Variants in RP1 observed in about 807,000 individuals in gnomAD.
RP1 encodes the protein oxygen-regulated protein 1.
A neutral mutation model predicts 14.8 loss-of-function variants in RP1; 16 were observed. The ratio of observed to expected loss-of-function variants is 1.08; its 90% CI spans 0.73 to 1.65. RP1 has a LOEUF of 1.65. Among genes scored for constraint, RP1 ranks in the 40% most tolerant of loss-of-function variants. RP1 has a pLI of 0.00. For synonymous variants in RP1, 876 were observed against 883.6 expected (o/e 0.99, Z 0.15); for missense variants, 2,631 against 2,535.0 (o/e 1.04, Z -0.81).
At chr8:54,574,989 A>C (rs1804611057) in intron 1 of RP1, among the ~76,000 whole-genome samples, 1 of 152,202 alleles carries the variant, frequency 6.6e-6, no homozygotes, top group Non-Finnish European at 1.5e-5. Flanking sequence ...TTTTATATTG[A>C]AACTTCCACT....
chr8:54,728,761 G>C (rs900488446), intron 17 of RP1, among the ~76,000 whole-genome samples: 6 of 152,212 alleles, frequency 3.9e-5, no homozygotes, highest in South Asian at 4.2e-4. Context: ...AATTTTGTTA[G>C]GGTGGTGGGG....
chr8:54,697,280 C>A (rs890361657), intron 12 of RP1, among the ~76,000 whole-genome samples: 15 of 152,134 alleles, frequency 9.9e-5, no homozygotes, highest in African/African-American at 3.1e-4. Flanking sequence ...CCTGGCCGGG[C>A]GTGATGGCTC....
chr8:54,773,316 T>C (rs773375937), downstream of RP1, among the ~76,000 whole-genome samples: 36 of 152,264 alleles, frequency 2.4e-4, 1 homozygote, highest in Non-Finnish European at 4.3e-4. Context: ...CGGTATCTCA[T>C]TGCATTTTAG....
chr8:54,858,628 G>A (rs997251849), intron 27 of RP1, among the ~76,000 whole-genome samples: 2 of 152,008 alleles, frequency 1.3e-5, no homozygotes, highest in African/African-American at 4.8e-5. Flanking sequence ...GTAGAGTGGT[G>A]TCACTGTAGA....
intron 24 of RP1, among the ~76,000 whole-genome samples, chr8:54,828,970 T>C (rs10097781): frequency 0.31 from 45,229 of 146,590 alleles, 7,168 homozygotes; most frequent in South Asian, 0.38. Flanking sequence ...CGGCTCACTG[T>C]AACCTCTGCC....
In RP1 at chr8:54,621,146, T is replaced by G; in HGVS notation, c.180T>G (p.Phe60Leu). Residue 60 changes from phenylalanine (F) to leucine (L), a missense_variant, in exon 2 of 4, where the codon TTT becomes TTG. By Grantham distance (22) the Phe-to-Leu change is conservative (BLOSUM62 0). Transcript: ENST00000220676. Reference protein sequence around the residue: ...GVRVVVNPRSFKSFDALLDNL... With the variant: ...GVRVVVNPRSLKSFDALLDNL... ...GGGTGGTGGTCAACCCTCGCTCCTT[T>G]AAGTCCTTTGATGCTCTGCTGGATA... 2 of 1,614,140 alleles carry G rather than the reference T, an allele frequency of 1.2e-6. No individual in the cohort carries two copies. The highest frequency in any genetic ancestry group is 4.5e-5 in the East Asian group (2 of 44,872).
exon 29 of RP1, chr8:54,870,022 T>G: frequency 1.5e-6 from 1 of 678,250 alleles, no homozygotes; most frequent in Non-Finnish European, 2.1e-6. Flanking sequence ...TGTCTTTTGC[T>G]TGGGCTGGAG....
chr8:54,783,110 T>C (rs1196993616), intron 23 of RP1, among the ~76,000 whole-genome samples: 1 of 152,184 alleles, frequency 6.6e-6, no homozygotes, highest in Non-Finnish European at 1.5e-5. Context: ...CACTATCTGC[T>C]AGGATCACCA....
intron 28 of RP1, among the ~76,000 whole-genome samples, chr8:54,866,119 T>C (rs562130911): frequency 6.6e-6 from 1 of 152,208 alleles, no homozygotes; most frequent in African/African-American, 2.4e-5. Context: ...CTAACATTTT[T>C]CTCTTCTGAA....
intron 3 of RP1, among the ~76,000 whole-genome samples, chr8:54,644,653 T>C (rs1222071336): frequency 6.6e-6 from 1 of 152,208 alleles, no homozygotes; most frequent in Non-Finnish European, 1.5e-5. Context: ...AAGCTTTAGG[T>C]ATTTGTTACA....
chr8:54,696,362 A>G (rs1807862265), intron 12 of RP1: 1 of 561,594 alleles, frequency 1.8e-6, no homozygotes, highest in Admixed American at 3.3e-5. Flanking sequence ...GGATTGGTTC[A>G]TTTTAGAAAA....
intron 24 of RP1, among the ~76,000 whole-genome samples, chr8:54,801,436 CT>C (rs879725629): frequency 5.9e-5 from 9 of 152,052 alleles, no homozygotes; most frequent in Admixed American, 3.9e-4. Context: ...GAATCACAGA[CT>C]TTTTTTTCAT....
Position 54,820,690 on chromosome 8 carries a change from C to T in RP1, c.3616-16760C>T, listed in dbSNP as rs545323714. On this transcript the variant is annotated intron_variant, in intron 24 of 28. Transcript: ENST00000637698. ...GGCAGTGCAAGATTGTCTTTTCGGC[C>T]ATCTTCAGTGTCCCTTTCCCTGATA... is the stretch of plus-strand genomic sequence containing the variant. 3.3e-5 allele frequency among the ~76,000 whole-genome samples: 5 copies of T among 152,282 alleles called. No homozygotes were observed. In the East Asian group the frequency reaches 9.6e-4, roughly 29 times the overall value.
At chr8:54,732,978 G>A (rs947317135) in intron 17 of RP1, among the ~76,000 whole-genome samples, 2 of 152,042 alleles carry the variant, frequency 1.3e-5, no homozygotes, top group African/African-American at 4.8e-5. Flanking sequence ...GCTTAATAGG[G>A]GACAGCACCT....
chr8:54,760,186 T>G (rs1809606084), intron 22 of RP1, among the ~76,000 whole-genome samples: 1 of 152,172 alleles, frequency 6.6e-6, no homozygotes, highest in Non-Finnish European at 1.5e-5. Flanking sequence ...TGCCTTTTAG[T>G]CATTAAATTC....
At chr8:54,569,261 G>C (rs555896050) in intron 1 of RP1, among the ~76,000 whole-genome samples, 2 of 152,306 alleles carry the variant, frequency 1.3e-5, no homozygotes, top group African/African-American at 4.8e-5. Context: ...TGACCGAGAG[G>C]CCTTCTCAGT....
intron 12 of RP1, among the ~76,000 whole-genome samples, chr8:54,687,484 C>T (rs1306971686): frequency 5.3e-5 from 8 of 152,084 alleles, no homozygotes; most frequent in African/African-American, 1.7e-4. Context: ...TGACAGGCCC[C>T]GGTTTGTGAT....
intron 27 of RP1, chr8:54,865,777 C>A: frequency 4.9e-6 from 3 of 617,376 alleles, no homozygotes; most frequent in Non-Finnish European, 2.3e-6. Flanking sequence ...AATAAAATCA[C>A]AATGCTGGTA....
At chr8:54,770,608 G>A (rs576331933), downstream of RP1, among the ~76,000 whole-genome samples, 108 of 146,256 alleles carry the variant, frequency 7.4e-4, no homozygotes, top group South Asian at 0.012. Context: ...ATTTATTTAC[G>A]TTCTCTCAAA....
Sources: gnomAD v4.1 joint callset for allele counts (sites outside exome capture counted in the v4.1 genomes callset) on GRCh38, gnomAD v4.1.1 for gene constraint, MANE v1.5 for transcripts, NCBI Gene and HGNC (gene_info 2026-07-23, HGNC 2026-07-21) for gene names.